The following TMTC4 variants were observed in gnomAD, a reference collection of about 807,000 sequenced individuals.
TMTC4 encodes transmembrane O-mannosyltransferase targeting cadherins 4.
In TMTC4, 65 loss-of-function variants were observed where a neutral mutation model predicts 86.0. The observed-to-expected ratio is 0.76, with a 90% CI of 0.62 to 0.93. TMTC4 has a LOEUF of 0.93. Ranked by LOEUF, TMTC4 falls within the 40% of genes least tolerant of loss-of-function variation. The pLI is 0.00. For synonymous variants in TMTC4, 379 were observed against 382.5 expected (o/e 0.99, Z 0.11); for missense variants, 866 against 948.1 (o/e 0.91, Z 1.14).
chr13:100,647,791 A>G (rs1183833130), intron 6 of TMTC4, among the ~76,000 whole-genome samples: 3 of 152,226 alleles, frequency 2.0e-5, no homozygotes, highest in African/African-American at 7.2e-5. Flanking sequence ...TAAGAATTCT[A>G]GATAGTCCTC....
intron 3 of TMTC4, 162 bp downstream of exon 3, chr13:100,668,417 T>C: frequency 2.8e-6 from 2 of 718,708 alleles, no homozygotes; most frequent in Non-Finnish European, 2.3e-6. Flanking sequence ...AGGCACTAAA[T>C]CATGGAGGCG....
chr13:100,606,127 AT>A (rs1876548027), intron 18 of TMTC4, among the ~76,000 whole-genome samples: 1 of 152,218 alleles, frequency 6.6e-6, no homozygotes, highest in Non-Finnish European at 1.5e-5. Context: ...TCTGAGTTTC[AT>A]CATGAGAAGG....
At chr13:100,620,979 A>G (rs935592174) in intron 15 of TMTC4, among the ~76,000 whole-genome samples, 5 of 152,244 alleles carry the variant, frequency 3.3e-5, no homozygotes, top group African/African-American at 1.2e-4. Context: ...ATTAAACCAC[A>G]AGGGAAAGCA....
chr13:100,662,274 A>ACCAGCAGCTCC (rs1317956860), intron 5 of TMTC4, among the ~76,000 whole-genome samples: 4 of 142,550 alleles, frequency 2.8e-5, no homozygotes, highest in African/African-American at 5.1e-5. Context: ...GAGAGACTTC[A>ACCAGCAGCTCC]CCAGCAGCTC....
chr13:100,674,401 G>T (rs953882723), intron 1 of TMTC4: 32 of 939,852 alleles, frequency 3.4e-5, no homozygotes, highest in Admixed American at 6.4e-5. Flanking sequence ...GGTGCGCCCG[G>T]GCCGAGGGAG....
chr13:100,671,693 G>C (rs1325472863), intron 1 of TMTC4, among the ~76,000 whole-genome samples: 1 of 152,112 alleles, frequency 6.6e-6, no homozygotes, highest in African/African-American at 2.4e-5. Flanking sequence ...AGTTCTGGCT[G>C]GCTCTCCCCT....
chr13:100,642,363 T>A (rs752714209), intron 6 of TMTC4, 52 bp from the exon 7 acceptor site: 108 of 1,596,104 alleles, frequency 6.8e-5, no homozygotes, highest in Admixed American at 1.2e-4. Flanking sequence ...GCAGCTCAGT[T>A]TTTTAGCATC....
Position 100,605,076 on chromosome 13 carries a change from A to G in TMTC4, c.2201T>C (p.Leu734Pro). 6.2e-7 allele frequency: 1 copy of G among 1,614,122 alleles called. No individual in the cohort carries two copies. Among genetic ancestry groups the G allele is most frequent in the Non-Finnish European group, 8.5e-7 (1 of 1,180,016 alleles). The change falls in exon 19 of 19, where the codon CTT (leucine) becomes CCT (proline). Residue 734 changes from leucine (L) to proline (P), a missense_variant. Coordinates refer to ENST00000342624, the MANE Select transcript of TMTC4 (RefSeq NM_032813.5). The surrounding 1 kb of genome is among the most constrained non-coding windows in gnomAD (Gnocchi z 4.3). ...AKKHYEISLQ[L>P]DPTASGTKEN... is the part of the protein sequence containing the mutation. ...CTTAGTTCCTGATGCCGTGGGGTCAAGCTGCAAGGAGATTTCATAGTGTTT... is the reference window on the plus strand; with the variant it reads ...CTTAGTTCCTGATGCCGTGGGGTCAGGCTGCAAGGAGATTTCATAGTGTTT...
At chr13:100,636,318 T>A (rs1395235801) in intron 10 of TMTC4, among the ~76,000 whole-genome samples, 2 of 152,202 alleles carry the variant, frequency 1.3e-5, no homozygotes, top group African/African-American at 4.8e-5. Context: ...GATGAAGCAG[T>A]CATCCGTAGC....
intron 6 of TMTC4, among the ~76,000 whole-genome samples, chr13:100,647,232 G>A (rs895145243): frequency 6.6e-6 from 1 of 152,236 alleles, no homozygotes; most frequent in East Asian, 1.9e-4. Flanking sequence ...AATTATAAAC[G>A]ACCTGATTAA....
chr13:100,615,731 G>A (rs1482333230), intron 15 of TMTC4, among the ~76,000 whole-genome samples: 1 of 152,238 alleles, frequency 6.6e-6, no homozygotes, highest in African/African-American at 2.4e-5. Flanking sequence ...GGGATTACAG[G>A]CGTGGGCCAC....
At chr13:100,609,360 G>A (rs1016983097) in intron 17 of TMTC4, among the ~76,000 whole-genome samples, 21 of 152,034 alleles carry the variant, frequency 1.4e-4, no homozygotes, top group African/African-American at 5.1e-4. Flanking sequence ...AAATAAAAAT[G>A]TCAAGTAAAT....
chr13:100,674,399 C>T, intron 1 of TMTC4: 1 of 942,304 alleles, frequency 1.1e-6, no homozygotes, highest in South Asian at 4.9e-5. Context: ...CGGGTGCGCC[C>T]GGGCCGAGGG....
At position 100,635,085 on chromosome 13, in the gene TMTC4, A is replaced by G. The variant is rs1178199421; in HGVS notation, c.1313T>C (p.Val438Ala). The G allele has an allele frequency of 3.1e-6, 5 of 1,613,978 alleles. No individual in the cohort carries two copies. In the African/African-American group the frequency reaches 4.0e-5, roughly 13 times the overall value. ...VAERVLYLPSVGYCVLLTFGF... is the reference protein window; with the variant it reads ...VAERVLYLPSAGYCVLLTFGF... ...AAAAGTCAGCAGCACACAGTACCCAACGCTGGGGAGGTAGAGGACACGCTC... is the reference window on the plus strand; with the variant it reads ...AAAAGTCAGCAGCACACAGTACCCAGCGCTGGGGAGGTAGAGGACACGCTC... The change falls in exon 11 of 19, where the codon GTT becomes GCT. Residue 438 changes from valine (V) to alanine (A), a missense_variant. Val to Ala is a moderately conservative substitution (Grantham distance 64, BLOSUM62 0). Coordinates refer to ENST00000342624, the MANE Select transcript of TMTC4 (RefSeq NM_032813.5).
chr13:100,628,231 C>T (rs1292401772), intron 12 of TMTC4, among the ~76,000 whole-genome samples: 1 of 152,196 alleles, frequency 6.6e-6, no homozygotes, highest in Non-Finnish European at 1.5e-5. Flanking sequence ...CTGGCAACCT[C>T]CATTCATTTT....
rs1258892037 is a variant in TMTC4 at position 100,671,273 on chromosome 13, T to C, written c.-207-704A>G. ...TCGGTCTCCCAAGTAGCTGGGACTA[T>C]AGGAGTGTGCCACTGAGCCTGGATA... On this transcript the variant is annotated intron_variant, in intron 1 of 18. Coordinates refer to ENST00000342624, the MANE Select transcript of TMTC4 (RefSeq NM_032813.5). Among the ~76,000 whole-genome samples, 3 of 152,174 alleles carry C rather than the reference T, an allele frequency of 2.0e-5. No individual in the cohort carries two copies. In the East Asian group the frequency reaches 5.8e-4, roughly 29 times the overall value.
rs1187850985 is a variant in TMTC4 at position 100,604,352 on chromosome 13, A to G, written c.*642T>C. ...AATCTCCTGTGTATTGAAATTGCAC[A>G]AGTCAGAGCATCCAAAAACTGCAAG... On this transcript the variant is annotated 3_prime_UTR_variant, in exon 19 of 19. Coordinates refer to ENST00000342624, the MANE Select transcript of TMTC4 (RefSeq NM_032813.5). 1 of 152,632 alleles carries G rather than the reference A, an allele frequency of 6.6e-6. No homozygotes were observed. The highest frequency in any genetic ancestry group is 1.5e-5 in the Non-Finnish European group (1 of 68,050). 9.5% of individuals were successfully genotyped at this position (152,632 alleles called of 1,614,324 possible).
intron 15 of TMTC4, among the ~76,000 whole-genome samples, chr13:100,615,342 T>C (rs1304674651): frequency 6.6e-6 from 1 of 152,124 alleles, no homozygotes; most frequent in African/African-American, 2.4e-5. Context: ...TTTCACCATA[T>C]TGGCCAGACT....
chr13:100,636,738 C>T lies in TMTC4; in HGVS notation c.1000-4G>A, dbSNP rs3803256. On this transcript the variant is annotated splice_polypyrimidine_tract_variant and splice_region_variant and intron_variant, in intron 9 of 18. Coordinates refer to ENST00000342624, the MANE Select transcript of TMTC4 (RefSeq NM_032813.5). ...AGTAGTAATTGTAGTTTACGGCCTGCCAGTCAAAAGGAGAACAAACATCTA... is the reference window on the plus strand; with the variant it reads ...AGTAGTAATTGTAGTTTACGGCCTGTCAGTCAAAAGGAGAACAAACATCTA... 0.45 allele frequency: 719,393 copies of T among 1,613,022 alleles called. 162,976 individuals are homozygous for T. Among genetic ancestry groups the T allele is most frequent in the East Asian group, 0.62 (27,752 of 44,846 alleles).
Sources: gnomAD v4.1 joint callset for allele counts (sites outside exome capture counted in the v4.1 genomes callset) on GRCh38, gnomAD v4.1.1 for gene constraint, Gnocchi (gnomAD v3.1) non-coding constraint, MANE v1.5 for transcripts, NCBI Gene and HGNC (gene_info 2026-07-23, HGNC 2026-07-21) for gene names.